SP110: variants seen among roughly 807,000 people sequenced by gnomAD.
The protein encoded by SP110 is SP110 nuclear body protein.
In SP110, 62 loss-of-function variants were observed where a neutral mutation model predicts 92.7. That is an observed-to-expected ratio of 0.67 (90% CI 0.55 to 0.83). SP110 has a LOEUF of 0.83. Ranked by LOEUF, SP110 falls within the 40% of genes least tolerant of loss-of-function variation. The pLI is 0.00. For synonymous variants in SP110, 273 were observed against 305.3 expected (o/e 0.89, Z 1.10); for missense variants, 793 against 863.9 (o/e 0.92, Z 1.03).
At chr2:230,203,254 G>A (rs866791577) in intron 8 of SP110, 1 of 174,268 alleles carries the variant, frequency 5.7e-6, no homozygotes, top group East Asian at 1.5e-4. Context: ...AGACCCAGAG[G>A]AGGTGCAATG....
At position 230,208,053 on chromosome 2, in the gene SP110, T is replaced by G. The variant is rs200061414; in HGVS notation, c.836A>C (p.Lys279Thr). The G allele has an allele frequency of 2.0e-6, 3 of 1,528,416 alleles. No individual in the cohort carries two copies. In the South Asian group the frequency reaches 3.4e-5, roughly 17 times the overall value. 94.7% of individuals were successfully genotyped at this position (1,528,416 alleles called of 1,614,324 possible). Reference sequence around the variant, plus strand: ...AGTTGACCAGATACATCTTTTTCTTTTCTTTCCTAAAAAGAAAGGATAATG... The same window carrying G: ...AGTTGACCAGATACATCTTTTTCTTGTCTTTCCTAAAAAGAAAGGATAATG... ...SSTPSDKKGK[K>T]RKRCIWSTPK... is the part of the protein sequence containing the mutation. Residue 279 changes from lysine to threonine, a missense_variant, in exon 8 of 19, where the codon AAA (lysine) becomes ACA (threonine). Transcript: ENST00000258381.
In SP110 at chr2:230,212,837, G is replaced by C. The variant is rs1327353483; in HGVS notation, c.507C>G (p.Ile169Met). Residue 169 changes from isoleucine (I) to methionine (M), a missense_variant, in exon 4 of 19, where the codon ATC becomes ATG. Ile to Met is a conservative substitution (Grantham distance 10). Coordinates refer to ENST00000258381, the MANE Select transcript of SP110 (RefSeq NM_080424.4). ...PGTSSQQSDE[I>M]LSESPSPSDP... ...CAGATGGGCTGGGCGACTCACTCAG[G>C]ATCTCATCGCTTTGCTGGGAGGATG... is the stretch of plus-strand genomic sequence containing the variant. The C allele has an allele frequency of 1.2e-6, 2 of 1,613,988 alleles. No individual in the cohort carries two copies. The highest frequency in any genetic ancestry group is 1.7e-6 in the Non-Finnish European group (2 of 1,180,006).
chr2:230,198,629 C>G (rs1024268676), intron 10 of SP110, among the ~76,000 whole-genome samples: 1 of 152,058 alleles, frequency 6.6e-6, no homozygotes, highest in Non-Finnish European at 1.5e-5. Context: ...GAGTCTTGCT[C>G]TGTTGCCCAG....
At position 230,216,849 on chromosome 2, in the gene SP110, T is replaced by C. The variant is rs1057277804; in HGVS notation, c.79A>G (p.Ile27Val). The C allele has an allele frequency of 2.5e-6, 4 of 1,613,972 alleles. No individual in the cohort carries two copies. The highest frequency in any genetic ancestry group is 1.3e-5 in the African/African-American group (1 of 74,916). Residue 27 changes from isoleucine to valine, a missense_variant, in exon 2 of 19, where the codon ATA becomes GTA. Ile to Val is a conservative substitution (Grantham distance 29). Coordinates refer to ENST00000258381, the MANE Select transcript of SP110 (RefSeq NM_080424.4). The part of the protein sequence containing the change: ...MHQKLGIAYA[I>V]HKPFPFFEGL... Reference sequence around the variant, plus strand: ...TCAAAGAAGGGAAATGGCTTGTGTATGGCATAGGCGATCCCCAGCTTCTGG... The same window carrying C: ...TCAAAGAAGGGAAATGGCTTGTGTACGGCATAGGCGATCCCCAGCTTCTGG...
intron 6 of SP110, 113 bp from the exon 7 acceptor site, chr2:230,210,121 G>C (rs991185175): frequency 9.0e-6 from 7 of 774,904 alleles, no homozygotes; most frequent in Non-Finnish European, 1.2e-5. Flanking sequence ...CCAGGGCCGG[G>C]AATCTGCTTG....
At chr2:230,201,117 C>CTGCTCA in intron 9 of SP110, 152 bp from the exon 10 acceptor site, 2 of 711,084 alleles carry the variant, frequency 2.8e-6, no homozygotes, top group Non-Finnish European at 5.1e-6. Flanking sequence ...AGATTTGGTG[C>CTGCTCA]TGCTCATGAC....
In SP110 at chr2:230,165,365, C is replaced by T. The variant is rs920463445; in HGVS notation, c.*3759G>A. The stretch of plus-strand genomic sequence containing the variant: ...GAGCAAAAAGGAAGTATGGAGAAGT[C>T]GTGTCAAGAAAAGACCAGCAGGGAA... On this transcript the variant is annotated 3_prime_UTR_variant, in exon 19 of 19. Coordinates refer to ENST00000258381, the MANE Select transcript of SP110 (RefSeq NM_080424.4). Among the ~76,000 whole-genome samples the T allele has an allele frequency of 6.6e-6, 1 of 152,190 alleles. No individual in the cohort carries two copies. The highest frequency in any genetic ancestry group is 6.5e-5 in the Admixed American group (1 of 15,272).
At chr2:230,172,811 T>C (rs1370096998) in intron 15 of SP110, 33 bp downstream of exon 15, 2 of 1,399,650 alleles carry the variant, frequency 1.4e-6, no homozygotes, top group South Asian at 1.2e-5. Context: ...AGGTGAGTGC[T>C]GTGTGCCCGA....
At chr2:230,216,960 C>G (rs201220034) in intron 1 of SP110, 32 bp from the exon 2 acceptor site, 1 of 1,604,368 alleles carries the variant, frequency 6.2e-7, no homozygotes, top group Non-Finnish European at 8.5e-7. Flanking sequence ...AAAATAGAAG[C>G]AAAGGCTGGG....
At chr2:230,219,036 C>A (rs1424104303) in intron 1 of SP110, among the ~76,000 whole-genome samples, 1 of 152,106 alleles carries the variant, frequency 6.6e-6, no homozygotes, top group Non-Finnish European at 1.5e-5. Context: ...ACCAGCCTGG[C>A]CAACATGGTG....
Position 230,180,265 on chromosome 2 carries a change from G to A in SP110, c.1349-2010C>T, listed in dbSNP as rs536034991. 1.6e-4 allele frequency among the ~76,000 whole-genome samples: 25 copies of A among 152,230 alleles called. 1 individual carries two copies. Among genetic ancestry groups the A allele is most frequent in the South Asian group, 1.5e-3 (7 of 4,824 alleles). On this transcript the variant is annotated intron_variant, in intron 12 of 18. Transcript: ENST00000258381. Reference sequence around the variant, plus strand: ...AAGCCTAATCGAGATGAGGAATAGCGGCATGGTAAAAAACGAATTCATAAT... The same window carrying A: ...AAGCCTAATCGAGATGAGGAATAGCAGCATGGTAAAAAACGAATTCATAAT...
At chr2:230,178,963 A>G (rs549872441) in intron 12 of SP110, among the ~76,000 whole-genome samples, 30 of 152,264 alleles carry the variant, frequency 2.0e-4, no homozygotes, top group African/African-American at 6.5e-4. Context: ...TTAAAGAGAG[A>G]CAGCAGGGGC....
At position 230,216,905 on chromosome 2, in the gene SP110, A is replaced by G. The variant is rs200067258; in HGVS notation, c.23T>C (p.Met8Thr). ...GAAGTGCTGAAAAAGAGCCTCTTCC[A>G]TGGCTCTTGTCATGGTGAACATCCT... MFTMTRA[M>T]EEALFQHFMH... Residue 8 changes from methionine to threonine, a missense_variant, in exon 2 of 19, where the codon ATG becomes ACG. By Grantham distance (81) the Met-to-Thr change is moderately conservative (BLOSUM62 -1). Coordinates refer to ENST00000258381, the MANE Select transcript of SP110 (RefSeq NM_080424.4). 43 of 1,613,712 alleles carry G rather than the reference A, an allele frequency of 2.7e-5. No homozygotes were observed. The highest frequency in any genetic ancestry group is 3.4e-5 in the Non-Finnish European group (40 of 1,179,920).
At chr2:230,221,711 C>T (rs1348316622), upstream of SP110, 1 of 1,535,908 alleles carries the variant, frequency 6.5e-7, no homozygotes, top group Non-Finnish European at 8.7e-7. Context: ...TTACCTGAAG[C>T]CCCTCCCCAT....
rs182804297 is a variant in SP110, at chr2:230,171,337, C to T, written c.1887+359G>A. On this transcript the variant is annotated intron_variant, in intron 17 of 18. Coordinates refer to ENST00000258381, the MANE Select transcript of SP110 (RefSeq NM_080424.4). The stretch of plus-strand genomic sequence containing the variant: ...AAACTCCTGACTTCAAGTGATCTGC[C>T]CGCCTTGGCCTCCCAAAGTGCTGGG... 2.1e-3 allele frequency: 718 copies of T among 335,942 alleles called. 4 individuals are homozygous for T. Among genetic ancestry groups the T allele is most frequent in the Middle Eastern group, 3.0e-3 (3 of 984 alleles). 20.8% of individuals were successfully genotyped at this position (335,942 alleles called of 1,614,324 possible). A position where few individuals can be genotyped will look rare whatever the true frequency, so the allele number is the denominator to read the frequency against.
At chr2:230,169,344 C>T (rs763903661) in intron 18 of SP110, 107 bp from the exon 19 acceptor site, 56 of 743,988 alleles carry the variant, frequency 7.5e-5, no homozygotes, top group East Asian at 1.3e-4. Flanking sequence ...GGTCTTTCCC[C>T]GTCACCCAGG....
At chr2:230,220,012 G>T, upstream of SP110, 7 of 985,640 alleles carry the variant, frequency 7.1e-6, no homozygotes, top group Non-Finnish European at 8.4e-6. Context: ...AAGGGGCCGG[G>T]CTTCCGAGAA....
At chr2:230,187,484 G>A (rs990823272) in intron 10 of SP110, among the ~76,000 whole-genome samples, 8 of 152,132 alleles carry the variant, frequency 5.3e-5, no homozygotes, top group African/African-American at 9.6e-5. Flanking sequence ...ACGAAGAAGC[G>A]TTTCAGTTTA....
chr2:230,177,151 C>A (rs1300773524), intron 14 of SP110, among the ~76,000 whole-genome samples: 1 of 152,124 alleles, frequency 6.6e-6, no homozygotes, highest in Admixed American at 6.5e-5. Context: ...GAGAGACAGA[C>A]CACGGACTGG....
Sources: gnomAD v4.1 joint callset for allele counts (sites outside exome capture counted in the v4.1 genomes callset) on GRCh38, gnomAD v4.1.1 for gene constraint, MANE v1.5 for transcripts, NCBI Gene and HGNC (gene_info 2026-07-23, HGNC 2026-07-21) for gene names.